Variants in MGMT observed in about 807,000 individuals in gnomAD.
MGMT encodes methylated-DNA--protein-cysteine methyltransferase.
Under a neutral mutation model 15.9 loss-of-function variants are expected in MGMT, and 14 were observed. The observed-to-expected ratio is 0.88, with a 90% CI of 0.58 to 1.37. The LOEUF is 1.37. MGMT is among the 40% of genes most tolerant of loss of function. The pLI is 0.00. For synonymous variants in MGMT, 130 were observed against 118.2 expected (o/e 1.10, Z -0.65); for missense variants, 282 against 268.1 (o/e 1.05, Z -0.36).
At chr10:129,589,937 G>A (rs965047752) in intron 2 of MGMT, among the ~76,000 whole-genome samples, 2 of 152,240 alleles carry the variant, frequency 1.3e-5, no homozygotes, top group Admixed American at 6.5e-5. Flanking sequence ...GGTCCCAGGT[G>A]GGTTGAGGCT....
intron 2 of MGMT, among the ~76,000 whole-genome samples, chr10:129,681,132 C>T (rs905116138): frequency 2.6e-5 from 4 of 152,108 alleles, no homozygotes; most frequent in African/African-American, 7.2e-5. Context: ...ACCATGCAGG[C>T]GGCGTTGTCG....
chr10:129,472,323 C>T (rs758150025), intron 1 of MGMT, among the ~76,000 whole-genome samples: 2 of 152,068 alleles, frequency 1.3e-5, no homozygotes, highest in Non-Finnish European at 2.9e-5. Flanking sequence ...ATTCGGTCTA[C>T]CCGGGTAAGT....
At chr10:129,543,564 G>A (rs1296184016) in intron 2 of MGMT, among the ~76,000 whole-genome samples, 2 of 152,292 alleles carry the variant, frequency 1.3e-5, no homozygotes, top group East Asian at 3.9e-4. Flanking sequence ...TGCTCTTGAT[G>A]TTTTCTCCCT....
At chr10:129,472,840 A>G (rs1845248083) in intron 1 of MGMT, among the ~76,000 whole-genome samples, 1 of 152,064 alleles carries the variant, frequency 6.6e-6, no homozygotes. Context: ...GTCACAGTGC[A>G]TTGTCTGTGT....
chr10:129,698,858 G>A (rs1271788518), intron 2 of MGMT, among the ~76,000 whole-genome samples: 1 of 152,210 alleles, frequency 6.6e-6, no homozygotes, highest in African/African-American at 2.4e-5. Flanking sequence ...TGTTGCAAAT[G>A]TACATACAGC....
At chr10:129,499,714 T>C (rs1845556354) in intron 1 of MGMT, among the ~76,000 whole-genome samples, 1 of 152,224 alleles carries the variant, frequency 6.6e-6, no homozygotes, top group African/African-American at 2.4e-5. Context: ...TGATACAGTA[T>C]TCATGCTATA....
At chr10:129,669,099 A>G (rs936485034) in intron 2 of MGMT, among the ~76,000 whole-genome samples, 1 of 152,242 alleles carries the variant, frequency 6.6e-6, no homozygotes, top group Non-Finnish European at 1.5e-5. Flanking sequence ...TGCTGAAAGC[A>G]TCTTGGCTTA....
At chr10:129,762,571 G>C (rs1848887432) in intron 4 of MGMT, among the ~76,000 whole-genome samples, 1 of 152,098 alleles carries the variant, frequency 6.6e-6, no homozygotes, top group African/African-American at 2.4e-5. Flanking sequence ...CCAGTATATT[G>C]AGTAGAAAAC....
At chr10:129,719,520 G>T (rs1239423086) in intron 3 of MGMT, among the ~76,000 whole-genome samples, 1 of 152,170 alleles carries the variant, frequency 6.6e-6, no homozygotes, top group Non-Finnish European at 1.5e-5. Context: ...CAGCTACTCA[G>T]ACCAAGGTGC....
At chr10:129,583,438 C>T (rs117935888) in intron 2 of MGMT, among the ~76,000 whole-genome samples, 3,923 of 152,196 alleles carry the variant, frequency 0.026, 61 homozygotes, top group Non-Finnish European at 0.037. Context: ...TTCTGTTATT[C>T]TTAAATTTTA....
intron 2 of MGMT, among the ~76,000 whole-genome samples, chr10:129,633,732 T>G (rs73388744): frequency 0.13 from 20,072 of 152,192 alleles, 2,776 homozygotes; most frequent in African/African-American, 0.35. Flanking sequence ...CATGTGGTTA[T>G]ATGCATAAAA....
chr10:129,543,105 C>T (rs1279370933), intron 2 of MGMT, among the ~76,000 whole-genome samples: 7 of 152,208 alleles, frequency 4.6e-5, no homozygotes, highest in South Asian at 2.1e-4. Context: ...TGTTCCGTGA[C>T]GAGAGGGTAC....
chr10:129,714,574 A>G (rs57125876), intron 3 of MGMT, among the ~76,000 whole-genome samples: 2,219 of 152,230 alleles, frequency 0.015, 44 homozygotes, highest in African/African-American at 0.05. Context: ...CCCCTCCTCA[A>G]GATACACTAA....
chr10:129,749,494 A>C (rs1019211537), intron 3 of MGMT, among the ~76,000 whole-genome samples: 1 of 152,112 alleles, frequency 6.6e-6, no homozygotes, highest in African/African-American at 2.4e-5. Context: ...CATTGTATGG[A>C]TGTACCATAG....
At chr10:129,750,563 A>G (rs538609021) in intron 3 of MGMT, among the ~76,000 whole-genome samples, 2 of 152,252 alleles carry the variant, frequency 1.3e-5, no homozygotes, top group Admixed American at 6.5e-5. Flanking sequence ...TATCCTCTCA[A>G]CAATACAGTA....
rs915887832 is a variant in MGMT, at chr10:129,769,171, C to A, written c.*2174C>A. ...ACAAAACCATGTTCTGCTTCCTCTC[C>A]GAGGGTTTCCGCGGCCCTGTCAGAA... On this transcript the variant is annotated 3_prime_UTR_variant, in exon 5 of 5. Transcript: ENST00000651593. 6.6e-6 allele frequency: 1 copy of A among 152,394 alleles called. No homozygotes were observed. Among genetic ancestry groups the A allele is most frequent in the African/African-American group, 2.4e-5 (1 of 41,584 alleles). The allele number at this position is 152,394 out of a possible 1,614,324, so 9.4% of individuals were successfully genotyped here.
intron 2 of MGMT, among the ~76,000 whole-genome samples, chr10:129,650,907 T>C (rs999113259): frequency 6.6e-6 from 1 of 152,200 alleles, no homozygotes; most frequent in African/African-American, 2.4e-5. Context: ...CTGCCTGCCA[T>C]GGCTCCCGCA....
At chr10:129,626,018 G>A (rs772955230) in intron 2 of MGMT, among the ~76,000 whole-genome samples, 1 of 152,176 alleles carries the variant, frequency 6.6e-6, no homozygotes, top group Non-Finnish European at 1.5e-5. Context: ...TCGTGATGGC[G>A]CAGAATATGT....
chr10:129,701,204 G>C (rs1429586446), intron 2 of MGMT: 5 of 152,248 alleles, frequency 3.3e-5, no homozygotes, highest in Non-Finnish European at 7.3e-5. Context: ...AGATTCCAGA[G>C]GAACTCAGAG....
Sources: gnomAD v4.1 joint callset for allele counts (sites outside exome capture counted in the v4.1 genomes callset) on GRCh38, gnomAD v4.1.1 for gene constraint, MANE v1.5 for transcripts, NCBI Gene and HGNC (gene_info 2026-07-23, HGNC 2026-07-21) for gene names.